The following DENND1B variants were observed in gnomAD, a reference collection of about 807,000 sequenced individuals.
DENND1B encodes DENN domain containing 1B.
A neutral mutation model predicts 90.1 loss-of-function variants in DENND1B; 59 were observed. The observed-to-expected ratio is 0.65, with a 90% confidence interval of 0.53 to 0.81. The LOEUF (loss-of-function observed/expected upper bound fraction) is 0.81, where lower values mean the gene tolerates loss of function less well. Among genes scored for constraint, DENND1B ranks in the 40% least tolerant of loss-of-function variants. The probability of loss-of-function intolerance (pLI) is 0.00; values close to 1 mark genes in which losing one functional copy is unlikely to be tolerated. For missense variants in DENND1B, 862 were observed against 912.6 expected (o/e 0.94, Z 0.71); for synonymous variants, 337 against 324.6 (o/e 1.04, Z -0.41).
At chr1:197,640,480 A>G (rs1680172548) in intron 10 of DENND1B, among the ~76,000 whole-genome samples, 1 of 151,596 alleles carries the variant, frequency 6.6e-6, no homozygotes, top group African/African-American at 2.4e-5. Flanking sequence ...CTCAAAAAAA[A>G]AAAAAAATTA....
chr1:197,525,894 C>T (rs561864188), intron 20 of DENND1B, among the ~76,000 whole-genome samples: 1 of 151,860 alleles, frequency 6.6e-6, no homozygotes, highest in Non-Finnish European at 1.5e-5. Context: ...GTCAAAGACA[C>T]TAATAAAGGC....
chr1:197,516,631 G>C (rs1454851572), intron 20 of DENND1B, among the ~76,000 whole-genome samples: 1 of 151,636 alleles, frequency 6.6e-6, no homozygotes, highest in Non-Finnish European at 1.5e-5. Flanking sequence ...AAAAAGGCCT[G>C]GTCACAATCT....
At chr1:197,559,761 C>A (rs576116879) in intron 15 of DENND1B, among the ~76,000 whole-genome samples, 1 of 151,816 alleles carries the variant, frequency 6.6e-6, no homozygotes, top group East Asian at 1.9e-4. Flanking sequence ...TAGAAATGTT[C>A]AGTAAACCTT....
Position 197,510,745 on chromosome 1 carries a change from A to G in DENND1B, c.2043T>C (p.Thr681=), listed in dbSNP as rs573752199. The G allele has an allele frequency of 1.4e-5, 22 of 1,612,734 alleles. No homozygotes were observed. The Admixed American group carries it at 2.5e-4, about 18-fold the overall frequency. Residue 681 remains threonine (T), a synonymous_variant, in exon 23 of 23, where the codon ACT becomes ACC. Coordinates refer to ENST00000620048, the MANE Select transcript of DENND1B (RefSeq NM_001195215.2). ...AAGTGAGTTGGAAATCCAGTCCTGA[A>G]GTAGGGTCACTCACATTGTCAGCAC... ...HLGADNVSDP[T]SGLDFQLTSP... is the part of the protein sequence containing the mutation.
At chr1:197,661,933 ATAAT>A (rs928845103) in intron 5 of DENND1B, among the ~76,000 whole-genome samples, 1 of 152,072 alleles carries the variant, frequency 6.6e-6, no homozygotes, top group Non-Finnish European at 1.5e-5. Flanking sequence ...CTTTGAATAA[ATAAT>A]TAATATATCC....
At chr1:197,631,407 TGTAGA>T (rs1679313179) in intron 10 of DENND1B, among the ~76,000 whole-genome samples, 1 of 152,204 alleles carries the variant, frequency 6.6e-6, no homozygotes, top group Admixed American at 6.6e-5. Flanking sequence ...GCTGATGTAC[TGTAGA>T]GTAGTTAGGA....
In DENND1B at chr1:197,508,329, C is replaced by T. The variant is rs1667822483; in HGVS notation, c.*2131G>A. On this transcript the variant is annotated 3_prime_UTR_variant, in exon 23 of 23. Coordinates refer to ENST00000620048, the MANE Select transcript of DENND1B (RefSeq NM_001195215.2). ...CTTCTGATTTAAAACAGCTCTTTTGCTATATGGACTTCTTCCATTATAAAC... is the reference window on the plus strand; with the variant it reads ...CTTCTGATTTAAAACAGCTCTTTTGTTATATGGACTTCTTCCATTATAAAC... 6.6e-6 allele frequency: 1 copy of T among 151,720 alleles called. No homozygotes were observed. The highest frequency in any genetic ancestry group is 1.5e-5 in the Non-Finnish European group (1 of 67,790). The allele number at this position is 151,720 out of a possible 1,614,324, so 9.4% of individuals were successfully genotyped here.
intron 2 of DENND1B, among the ~76,000 whole-genome samples, chr1:197,738,321 C>T (rs1662903197): frequency 6.6e-6 from 1 of 152,180 alleles, no homozygotes; most frequent in Admixed American, 6.5e-5. Flanking sequence ...AAAATATCAA[C>T]ATTAAATCCA....
At chr1:197,659,131 T>C (rs916614042) in intron 5 of DENND1B, among the ~76,000 whole-genome samples, 2 of 151,326 alleles carry the variant, frequency 1.3e-5, no homozygotes, top group African/African-American at 4.8e-5. Context: ...TAATTATCAA[T>C]TGACAAATAC....
At position 197,510,876 on chromosome 1, in the gene DENND1B, G is replaced by A; in HGVS notation, c.1912C>T (p.Leu638Phe). The change falls in exon 23 of 23, where the codon CTC (leucine) becomes TTC (phenylalanine). Residue 638 changes from leucine to phenylalanine, a missense_variant. Transcript: ENST00000620048. ...EWNLGQDDSALHGKHLPPSPR... is the reference protein window; with the variant it reads ...EWNLGQDDSAFHGKHLPPSPR... ...GATGGAGGGAGGTGTTTGCCATGGA[G>A]GGCACTATCGTCTTGCCCAAGATTC... 1 of 1,610,004 alleles carries A rather than the reference G, an allele frequency of 6.2e-7. No individual in the cohort carries two copies. Among genetic ancestry groups the A allele is most frequent in the Non-Finnish European group, 8.5e-7 (1 of 1,178,120 alleles).
intron 2 of DENND1B, among the ~76,000 whole-genome samples, chr1:197,766,017 G>A (rs1655653102): frequency 6.6e-6 from 1 of 152,062 alleles, no homozygotes; most frequent in Non-Finnish European, 1.5e-5. Flanking sequence ...AATCAAGAAG[G>A]GCATAACCCA....
At chr1:197,757,025 CAT>C (rs1654400434) in intron 2 of DENND1B, among the ~76,000 whole-genome samples, 1 of 150,814 alleles carries the variant, frequency 6.6e-6, no homozygotes, top group Non-Finnish European at 1.5e-5. Context: ...TACACAGACA[CAT>C]ATATGTATAT....
intron 12 of DENND1B, among the ~76,000 whole-genome samples, chr1:197,610,589 T>A (rs1218512288): frequency 6.6e-6 from 1 of 150,696 alleles, no homozygotes. Context: ...AATATAAAAA[T>A]CAAATTTGAT....
In DENND1B at chr1:197,508,826, T is replaced by C. The variant is rs1667847482; in HGVS notation, c.*1634A>G. On this transcript the variant is annotated 3_prime_UTR_variant, in exon 23 of 23. Coordinates refer to ENST00000620048, the MANE Select transcript of DENND1B (RefSeq NM_001195215.2). ...TCCCTGATTGTGCCTGGTAATCTAG[T>C]CTATCATGAAGTAATTAGTACATGA... The C allele has an allele frequency of 6.6e-6, 1 of 151,772 alleles. No individual in the cohort carries two copies. The highest frequency in any genetic ancestry group is 2.4e-5 in the African/African-American group (1 of 41,366). 9.4% of individuals were successfully genotyped at this position (151,772 alleles called of 1,614,324 possible). A position where few individuals can be genotyped will look rare whatever the true frequency, so the allele number is the denominator to read the frequency against.
chr1:197,545,033 G>GAAGGAGAAGGAGAAGGAA (rs1670693373), intron 18 of DENND1B, among the ~76,000 whole-genome samples: 1 of 146,634 alleles, frequency 6.8e-6, no homozygotes, highest in Non-Finnish European at 1.5e-5. Context: ...AGAAGGAGGA[G>GAAGGAGAAGGAGAAGGAA]AAGGAGAAGG....
At chr1:197,619,968 A>G (rs1239773754) in intron 10 of DENND1B, among the ~76,000 whole-genome samples, 6 of 151,268 alleles carry the variant, frequency 4.0e-5, no homozygotes, top group Non-Finnish European at 8.9e-5. Context: ...GAAAAAATAT[A>G]TGACAACTCC....
At chr1:197,746,578 C>A (rs551472060) in intron 2 of DENND1B, among the ~76,000 whole-genome samples, 2 of 152,198 alleles carry the variant, frequency 1.3e-5, no homozygotes, top group Admixed American at 1.3e-4. Context: ...CACTTCAGTA[C>A]GACAAAGCCC....
intron 15 of DENND1B, among the ~76,000 whole-genome samples, chr1:197,559,153 G>C (rs1475167696): frequency 6.6e-6 from 1 of 151,832 alleles, no homozygotes; most frequent in African/African-American, 2.4e-5. Flanking sequence ...CCTAAAACAA[G>C]TTATGCTATT....
intron 20 of DENND1B, among the ~76,000 whole-genome samples, chr1:197,523,573 T>A (rs1210636499): frequency 6.6e-6 from 1 of 152,130 alleles, no homozygotes; most frequent in Non-Finnish European, 1.5e-5. Flanking sequence ...GCTCAGGGGT[T>A]CCAGGACTGC....
Sources: allele counts gnomAD v4.1 joint callset (sites outside exome capture counted in the v4.1 genomes callset), GRCh38; gene constraint gnomAD v4.1.1; transcripts MANE v1.5; gene names NCBI Gene and HGNC (gene_info 2026-07-23, HGNC 2026-07-21).